OSBPL8: variants seen among roughly 807,000 people sequenced by gnomAD.
OSBPL8 encodes oxysterol-binding protein-related protein 8.
A neutral mutation model predicts 125.5 loss-of-function variants in OSBPL8; 59 were observed. The ratio of observed to expected loss-of-function variants is 0.47; its 90% confidence interval spans 0.38 to 0.58. The LOEUF (loss-of-function observed/expected upper bound fraction) is 0.58, where lower values mean the gene tolerates loss of function less well. Among genes scored for constraint, OSBPL8 ranks in the 20% least tolerant of loss-of-function variants. OSBPL8 has a pLI of 0.00. For synonymous variants in OSBPL8, 330 were observed against 338.9 expected (o/e 0.97, Z 0.29); for missense variants, 758 against 1,047.8 (o/e 0.72, Z 3.82).
chr12:76,506,327 T>A (rs1880412670), intron 1 of OSBPL8, among the ~76,000 whole-genome samples: 1 of 152,200 alleles, frequency 6.6e-6, no homozygotes, highest in African/African-American at 2.4e-5. Flanking sequence ...AGGAGGCAGC[T>A]GAACATGCAG....
intron 2 of OSBPL8, among the ~76,000 whole-genome samples, chr12:76,481,055 G>A (rs1369655021): frequency 1.3e-5 from 2 of 148,314 alleles, no homozygotes; most frequent in East Asian, 3.9e-4. Flanking sequence ...GTGATACAAG[G>A]AAGGGGCCAT....
At chr12:76,554,822 T>C (rs1256325481) in intron 1 of OSBPL8, among the ~76,000 whole-genome samples, 1 of 152,226 alleles carries the variant, frequency 6.6e-6, no homozygotes, top group Non-Finnish European at 1.5e-5. Context: ...AGTAGGTAAC[T>C]GGCTTATCAT....
At chr12:76,358,845 A>C (rs1359897310) in intron 21 of OSBPL8, 34 bp from the exon 22 acceptor site, 1 of 1,565,338 alleles carries the variant, frequency 6.4e-7, no homozygotes, top group Non-Finnish European at 8.8e-7. Context: ...GTGAATTTGC[A>C]CTGTATTTTG....
At position 76,540,767 on chromosome 12, in the gene OSBPL8, T is replaced by C. The variant is rs558772856; in HGVS notation, c.-68+18630A>G. On this transcript the variant is annotated intron_variant, in intron 1 of 23. Transcript: ENST00000261183. ...GGCTTAAGTCTCTCTCACACACACATACACATGCACACAACTCCAAATATA... is the reference window on the plus strand; with the variant it reads ...GGCTTAAGTCTCTCTCACACACACACACACATGCACACAACTCCAAATATA... 1.3e-4 allele frequency among the ~76,000 whole-genome samples: 19 copies of C among 151,950 alleles called. No homozygotes were observed. In the South Asian group the frequency reaches 3.5e-3, roughly 28 times the overall value.
chr12:76,415,986 TAAG>T (rs1868611592), intron 4 of OSBPL8, among the ~76,000 whole-genome samples: 1 of 152,106 alleles, frequency 6.6e-6, no homozygotes. Context: ...TTTTTGAACT[TAAG>T]AAAGATACTT....
chr12:76,466,716 T>G (rs1337794022), intron 2 of OSBPL8, among the ~76,000 whole-genome samples: 1 of 152,134 alleles, frequency 6.6e-6, no homozygotes, highest in East Asian at 1.9e-4. Context: ...CCCAGCACTT[T>G]AGGAGGCCGA....
At chr12:76,387,582 G>C (rs1293409617) in intron 12 of OSBPL8, among the ~76,000 whole-genome samples, 1 of 152,132 alleles carries the variant, frequency 6.6e-6, no homozygotes, top group African/African-American at 2.4e-5. Flanking sequence ...CTGAGAAGTT[G>C]ATTTTGTTAT....
At chr12:76,363,491 C>T (rs888362341) in intron 21 of OSBPL8, among the ~76,000 whole-genome samples, 2 of 152,130 alleles carry the variant, frequency 1.3e-5, no homozygotes, top group East Asian at 3.9e-4. Context: ...CTTCCTTACA[C>T]CTTATACAAA....
intron 1 of OSBPL8, among the ~76,000 whole-genome samples, chr12:76,505,599 T>C (rs970366991): frequency 6.6e-6 from 1 of 152,120 alleles, no homozygotes; most frequent in Non-Finnish European, 1.5e-5. Flanking sequence ...TAGGATTGCC[T>C]GGAAAGGCCT....
intron 1 of OSBPL8, among the ~76,000 whole-genome samples, chr12:76,492,236 T>C (rs1878794595): frequency 6.6e-6 from 1 of 152,116 alleles, no homozygotes; most frequent in African/African-American, 2.4e-5. Context: ...AAATTAGCTA[T>C]GCAGATATCT....
In OSBPL8 at chr12:76,502,120, T is replaced by C. The variant is rs113891552; in HGVS notation, c.-67-14502A>G. ...GAAAACTCAATTGTAGCATCAGCTA[T>C]GGAGCAATTCATACATGGATCGCCA... On this transcript the variant is annotated intron_variant, in intron 1 of 23. Coordinates refer to ENST00000261183, the MANE Select transcript of OSBPL8 (RefSeq NM_020841.5). 5.9e-3 allele frequency among the ~76,000 whole-genome samples: 900 copies of C among 152,330 alleles called. 4 individuals are homozygous for C. Among genetic ancestry groups the C allele is most frequent in the African/African-American group, 0.019 (801 of 41,572 alleles).
intron 1 of OSBPL8, among the ~76,000 whole-genome samples, chr12:76,526,647 T>C (rs1388245075): frequency 1.4e-5 from 1 of 69,196 alleles, no homozygotes; most frequent in Non-Finnish European, 3.2e-5. Context: ...TTTTTTTTTT[T>C]TTTTTTTTTT....
At chr12:76,501,977 C>G (rs942396850) in intron 1 of OSBPL8, among the ~76,000 whole-genome samples, 1 of 152,214 alleles carries the variant, frequency 6.6e-6, no homozygotes, top group South Asian at 2.1e-4. Context: ...GAAGAAGAAA[C>G]TCATTTCACA....
chr12:76,358,107 T>C (rs1475860572), intron 22 of OSBPL8, among the ~76,000 whole-genome samples: 1 of 151,376 alleles, frequency 6.6e-6, no homozygotes, highest in Non-Finnish European at 1.5e-5. Context: ...GAATTCAATC[T>C]AGGGAACCAT....
chr12:76,377,981 T>C (rs1223186521), intron 16 of OSBPL8, among the ~76,000 whole-genome samples: 2 of 152,186 alleles, frequency 1.3e-5, no homozygotes, highest in South Asian at 2.1e-4. Flanking sequence ...TGTAATACCC[T>C]TATCTGTATT....
intron 7 of OSBPL8, among the ~76,000 whole-genome samples, chr12:76,398,745 G>A (rs940435279): frequency 8.5e-5 from 13 of 152,190 alleles, no homozygotes; most frequent in East Asian, 5.8e-4. Context: ...CCAAATAGGC[G>A]TATCACAGTA....
chr12:76,477,079 T>C (rs575152440), intron 2 of OSBPL8, among the ~76,000 whole-genome samples: 66 of 152,304 alleles, frequency 4.3e-4, no homozygotes, highest in Admixed American at 1.4e-3. Flanking sequence ...CTGTCAATTC[T>C]TTCTTCTACT....
At chr12:76,362,749 T>C (rs1357091613) in intron 21 of OSBPL8, among the ~76,000 whole-genome samples, 2 of 152,198 alleles carry the variant, frequency 1.3e-5, no homozygotes, top group South Asian at 2.1e-4. Flanking sequence ...ATTGTCTCTG[T>C]TTGCAGATGA....
In OSBPL8 at chr12:76,524,904, G is replaced by A. The variant is rs963240609; in HGVS notation, c.-68+34493C>T. On this transcript the variant is annotated intron_variant, in intron 1 of 23. Transcript: ENST00000261183. ...TCGTCATGTTGGCCAGGCTGGTCTC[G>A]AACTCCTGACCTTAGGTGATCCGCC... 3.3e-5 allele frequency among the ~76,000 whole-genome samples: 5 copies of A among 152,052 alleles called. No individual in the cohort carries two copies. The East Asian group carries it at 5.8e-4, about 18-fold the overall frequency.
Sources: gnomAD v4.1 joint callset for allele counts (sites outside exome capture counted in the v4.1 genomes callset) on GRCh38, gnomAD v4.1.1 for gene constraint, MANE v1.5 for transcripts, NCBI Gene and HGNC (gene_info 2026-07-23, HGNC 2026-07-21) for gene names.